HNRNPC: variants seen among roughly 807,000 people sequenced by gnomAD.
The protein encoded by HNRNPC is heterogeneous nuclear ribonucleoprotein C.
In HNRNPC, 3 loss-of-function variants were observed where a neutral mutation model predicts 33.2. The observed-to-expected ratio is 0.09, with a 90% CI of 0.04 to 0.23. HNRNPC has a LOEUF of 0.23. HNRNPC is among the 10% of genes least tolerant of loss of function. The pLI, the probability that HNRNPC is intolerant of heterozygous loss-of-function variation, is 1.00. For synonymous variants in HNRNPC, 121 were observed against 126.7 expected (o/e 0.96, Z 0.30); for missense variants, 143 against 366.7 (o/e 0.39, Z 4.98).
At chr14:21,227,794 T>C (rs1893646381) in intron 5 of HNRNPC, among the ~76,000 whole-genome samples, 1 of 152,336 alleles carries the variant, frequency 6.6e-6, no homozygotes, top group Admixed American at 6.5e-5. Context: ...AAGAAGACTG[T>C]CACTGTATAC....
At chr14:21,226,337 AAAAAAAAAG>A (rs1366521141) in intron 5 of HNRNPC, among the ~76,000 whole-genome samples, 1 of 151,660 alleles carries the variant, frequency 6.6e-6, no homozygotes, top group Non-Finnish European at 1.5e-5. Context: ...GAAAAAAAAA[AAAAAAAAAG>A]AAAGAAAGAA....
chr14:21,213,180 G>C (rs1891803060), intron 5 of HNRNPC, 63 bp from the exon 6 acceptor site: 7 of 1,488,176 alleles, frequency 4.7e-6, no homozygotes, highest in South Asian at 3.6e-5. Flanking sequence ...CAATTCAACA[G>C]ACCTTATGAT....
At chr14:21,257,965 C>A (rs1877512527) in intron 2 of HNRNPC, among the ~76,000 whole-genome samples, 1 of 152,200 alleles carries the variant, frequency 6.6e-6, no homozygotes, top group African/African-American at 2.4e-5. Context: ...CTACCTTGCA[C>A]ATATACACAT....
intron 5 of HNRNPC, among the ~76,000 whole-genome samples, chr14:21,221,677 A>G (rs2139543610): frequency 6.6e-6 from 1 of 152,298 alleles, no homozygotes; most frequent in East Asian, 1.9e-4. Context: ...TGTTTCCAGA[A>G]TATATAACGA....
At position 21,230,363 on chromosome 14, in the gene HNRNPC, G is replaced by C. The variant is rs758523669; in HGVS notation, c.321C>G (p.Ser107=). 3.7e-6 allele frequency: 6 copies of C among 1,608,088 alleles called. No individual in the cohort carries two copies. In the South Asian group the frequency reaches 6.6e-5, roughly 18 times the overall value. ...GAAAGTCATAGTCCAAGTCAAAAGA[G>C]GAGCTGAAAAATAAATACCGAAAAG... ...VKRSAAEMYG[S]SFDLDYDFQR... is the part of the protein sequence containing the mutation. Residue 107 remains serine, a synonymous_variant, in exon 5 of 9, where the codon TCC becomes TCG. Transcript: ENST00000553300.
intron 5 of HNRNPC, among the ~76,000 whole-genome samples, chr14:21,216,213 G>A (rs747823266): frequency 6.6e-6 from 1 of 151,816 alleles, no homozygotes; most frequent in Middle Eastern, 3.2e-3. Context: ...GTTTTCAAAG[G>A]GAAGCTTCTT....
rs1464290752 is a variant in HNRNPC, at chr14:21,210,665, T to C, written c.*558A>G. On this transcript the variant is annotated 3_prime_UTR_variant, in exon 9 of 9. Transcript: ENST00000553300. Reference sequence around the variant, plus strand: ...AGTATCAACTTTAGAAAACAAATCTTAAGACTATAACACTAATTATTTTTC... The same window carrying C: ...AGTATCAACTTTAGAAAACAAATCTCAAGACTATAACACTAATTATTTTTC... 6.6e-6 allele frequency: 1 copy of C among 152,452 alleles called. No homozygotes were observed. The highest frequency in any genetic ancestry group is 1.9e-4 in the East Asian group (1 of 5,190). The allele number at this position is 152,452 out of a possible 1,614,324, so 9.4% of individuals were successfully genotyped here.
chr14:21,264,098 A>AT lies in HNRNPC; in HGVS notation c.-62-763dup, dbSNP rs563535675. 6 of 152,354 alleles carry AT rather than the reference A, an allele frequency of 3.9e-5. No homozygotes were observed. In the South Asian group the frequency reaches 1.2e-3, roughly 32 times the overall value. The allele number at this position is 152,354 out of a possible 1,614,324, so 9.4% of individuals were successfully genotyped here. ...GAGTATATCCCAAATGTTCATCTTG[A>AT]TAATGAGCAGTTTGGGCAAAGAAAA... On this transcript the variant is annotated intron_variant, in intron 1 of 8. Transcript: ENST00000553300.
At chr14:21,230,672 CTT>C in intron 4 of HNRNPC, 1 of 489,136 alleles carries the variant, frequency 2.0e-6, no homozygotes, top group Non-Finnish European at 3.6e-6. Context: ...TCTACCCTCT[CTT>C]ACTCTCTAGT....
intron 5 of HNRNPC, among the ~76,000 whole-genome samples, chr14:21,218,682 A>C (rs1356576737): frequency 1.1e-4 from 2 of 18,562 alleles, no homozygotes; most frequent in African/African-American, 2.1e-4. Context: ...ACTCTCTCTC[A>C]AAAAAAAAAA....
In HNRNPC at chr14:21,215,956, A is replaced by C. The variant is rs1476744095; in HGVS notation, c.366-2839T>G. Among the ~76,000 whole-genome samples, 5 of 150,892 alleles carry C rather than the reference A, an allele frequency of 3.3e-5. No homozygotes were observed. The East Asian group carries it at 5.8e-4, about 17-fold the overall frequency. On this transcript the variant is annotated intron_variant, in intron 5 of 8. Coordinates refer to ENST00000553300, the MANE Select transcript of HNRNPC (RefSeq NM_004500.4). Reference sequence around the variant, plus strand: ...AAAGGAAAAGAAAAAGAAAAAAAAAACAACAAAACACACCAGCTGGATGCA... The same window carrying C: ...AAAGGAAAAGAAAAAGAAAAAAAAACCAACAAAACACACCAGCTGGATGCA...
intron 2 of HNRNPC, 66 bp from the exon 3 acceptor site, chr14:21,234,295 C>A (rs1894427378): frequency 2.8e-6 from 4 of 1,403,536 alleles, no homozygotes. Flanking sequence ...ATAAAACATT[C>A]TCCACTCTCA....
At chr14:21,261,246 ATTT>A (rs892653108) in intron 2 of HNRNPC, among the ~76,000 whole-genome samples, 1 of 152,148 alleles carries the variant, frequency 6.6e-6, no homozygotes, top group Non-Finnish European at 1.5e-5. Context: ...ATAATAAACT[ATTT>A]TTTATATCCC....
intron 2 of HNRNPC, chr14:21,234,948 G>GAC (rs1287397203): frequency 6.8e-6 from 1 of 147,284 alleles, no homozygotes; most frequent in Non-Finnish European, 1.5e-5. Flanking sequence ...TAAAATATAG[G>GAC]ACATTTAATA....
chr14:21,229,085 TAAAAA>T (rs56112804), intron 5 of HNRNPC, among the ~76,000 whole-genome samples: 1 of 107,846 alleles, frequency 9.3e-6, no homozygotes, highest in African/African-American at 3.5e-5. Context: ...ATTCCGTATT[TAAAAA>T]AAAAAAAAAA....
chr14:21,245,507 T>C (rs77148387), intron 2 of HNRNPC, among the ~76,000 whole-genome samples: 1 of 151,466 alleles, frequency 6.6e-6, no homozygotes. Flanking sequence ...AAAAAATATA[T>C]ATATATTTCA....
chr14:21,216,298 A>G (rs771266138), intron 5 of HNRNPC, among the ~76,000 whole-genome samples: 19 of 152,352 alleles, frequency 1.2e-4, no homozygotes, highest in Middle Eastern at 3.4e-3. Flanking sequence ...CTAGTAATAC[A>G]TGTCAACACT....
At chr14:21,268,404 T>G (rs1304725458) in intron 1 of HNRNPC, among the ~76,000 whole-genome samples, 1 of 152,214 alleles carries the variant, frequency 6.6e-6, no homozygotes, top group Non-Finnish European at 1.5e-5. Context: ...TTTGGGAATT[T>G]CCAGTTACCT....
chr14:21,229,649 A>C (rs1336793820), intron 5 of HNRNPC, among the ~76,000 whole-genome samples: 2 of 152,038 alleles, frequency 1.3e-5, no homozygotes, highest in Non-Finnish European at 2.9e-5. Flanking sequence ...TTCCTTTACA[A>C]CTCCCATGCA....
Sources: allele counts gnomAD v4.1 joint callset (sites outside exome capture counted in the v4.1 genomes callset), GRCh38; gene constraint gnomAD v4.1.1; transcripts MANE v1.5; gene names NCBI Gene and HGNC (gene_info 2026-07-23, HGNC 2026-07-21).